EGFLAM: variants seen among roughly 807,000 people sequenced by gnomAD.
The protein encoded by EGFLAM is EGF like, fibronectin type III and laminin G domains, also known as pikachurin.
A neutral mutation model predicts 113.1 loss-of-function variants in EGFLAM; 79 were observed. The observed-to-expected ratio is 0.70, with a 90% CI of 0.58 to 0.84. EGFLAM has a LOEUF of 0.84. Among genes scored for constraint, EGFLAM ranks in the 40% least tolerant of loss-of-function variants. The pLI is 0.00. For missense variants in EGFLAM, 1,265 were observed against 1,291.6 expected (o/e 0.98, Z 0.32); for synonymous variants, 504 against 487.6 (o/e 1.03, Z -0.44).
intron 5 of EGFLAM, among the ~76,000 whole-genome samples, chr5:38,365,040 T>C (rs994749836): frequency 6.6e-6 from 1 of 152,160 alleles, no homozygotes; most frequent in African/African-American, 2.4e-5. Flanking sequence ...AAGGCTATTC[T>C]GGATGTTCTG....
chr5:38,417,368 A>AC (rs1741684460), intron 11 of EGFLAM, among the ~76,000 whole-genome samples: 1 of 143,228 alleles, frequency 7.0e-6, no homozygotes, highest in East Asian at 1.9e-4. Context: ...AAAAAAAAAA[A>AC]ACAAAAAAAA....
At chr5:38,279,074 C>A (rs535173884) in intron 1 of EGFLAM, among the ~76,000 whole-genome samples, 1 of 152,160 alleles carries the variant, frequency 6.6e-6, no homozygotes, top group Non-Finnish European at 1.5e-5. Context: ...AGACATTTCT[C>A]AAAAGAAGAC....
Position 38,339,555 on chromosome 5 carries a change from T to C in EGFLAM, c.291+774T>C, listed in dbSNP as rs191298918. On this transcript the variant is annotated intron_variant, in intron 3 of 21. Coordinates refer to ENST00000322350, the MANE Select transcript of EGFLAM (RefSeq NM_152403.4). ...ATCCATGATAAGGAACTATCACTTA[T>C]TGAGCATCTGTTACCTGGCAGCCAC... is the stretch of plus-strand genomic sequence containing the variant. Among the ~76,000 whole-genome samples the C allele has an allele frequency of 1.2e-3, 178 of 152,364 alleles. 1 individual carries two copies. The highest frequency in any genetic ancestry group is 1.3e-3 in the Non-Finnish European group (88 of 68,036).
intron 1 of EGFLAM, among the ~76,000 whole-genome samples, chr5:38,313,455 T>C (rs188820515): frequency 2.0e-5 from 3 of 152,364 alleles, no homozygotes; most frequent in East Asian, 1.9e-4. Context: ...TACAAATATA[T>C]TGAGATGAAC....
At position 38,262,134 on chromosome 5, in the gene EGFLAM, A is replaced by G. The variant is rs1757513558; in HGVS notation, c.97+3283A>G. On this transcript the variant is annotated intron_variant, in intron 1 of 21. Coordinates refer to ENST00000322350, the MANE Select transcript of EGFLAM (RefSeq NM_152403.4). ...AGTTAACATCAGAAGCTGAACTGGA[A>G]CTGGCACCTGGACCTCCCACCCTCC... 2.0e-5 allele frequency among the ~76,000 whole-genome samples: 3 copies of G among 152,192 alleles called. No individual in the cohort carries two copies. The South Asian group carries it at 6.2e-4, about 32-fold the overall frequency.
chr5:38,307,231 T>C (rs1436470008), intron 1 of EGFLAM, among the ~76,000 whole-genome samples: 1 of 152,270 alleles, frequency 6.6e-6, no homozygotes, highest in Non-Finnish European at 1.5e-5. Context: ...TTTATTTGTC[T>C]ATCTGTTGCA....
chr5:38,324,503 C>A (rs1284484068), intron 1 of EGFLAM, among the ~76,000 whole-genome samples: 1 of 152,124 alleles, frequency 6.6e-6, no homozygotes, highest in Admixed American at 6.5e-5. Context: ...AACAAATACA[C>A]AAATAGAAAA....
intron 6 of EGFLAM, among the ~76,000 whole-genome samples, chr5:38,374,049 G>GT (rs1311164506): frequency 1.3e-5 from 2 of 152,058 alleles, no homozygotes; most frequent in East Asian, 1.9e-4. Context: ...TCAGAGTAGG[G>GT]TTTTTTTGAC....
intron 17 of EGFLAM, among the ~76,000 whole-genome samples, chr5:38,443,078 C>A (rs377350679): frequency 5.0e-4 from 76 of 152,208 alleles, no homozygotes; most frequent in African/African-American, 1.8e-3. Context: ...CTAGCCTGGG[C>A]AACATGGTGA....
chr5:38,349,401 C>G (rs371968173), intron 3 of EGFLAM, among the ~76,000 whole-genome samples: 2 of 152,168 alleles, frequency 1.3e-5, no homozygotes, highest in African/African-American at 2.4e-5. Context: ...CATGACCACT[C>G]ATTTCCTGAG....
At chr5:38,387,749 C>T (rs1436964983) in intron 6 of EGFLAM, among the ~76,000 whole-genome samples, 5 of 152,248 alleles carry the variant, frequency 3.3e-5, no homozygotes, top group Non-Finnish European at 5.9e-5. Flanking sequence ...GAACCAGTTA[C>T]TCTTGCTTGT....
intron 17 of EGFLAM, among the ~76,000 whole-genome samples, chr5:38,444,423 A>G (rs1742643135): frequency 6.6e-6 from 1 of 152,152 alleles, no homozygotes; most frequent in East Asian, 1.9e-4. Context: ...TATAGTTAAC[A>G]ATAATATATA....
At chr5:38,370,953 A>C (rs1178922657) in intron 6 of EGFLAM, among the ~76,000 whole-genome samples, 1 of 152,186 alleles carries the variant, frequency 6.6e-6, no homozygotes, top group Non-Finnish European at 1.5e-5. Context: ...GGCTGTAGCC[A>C]ATGGTGTATG....
chr5:38,296,565 T>G (rs1758456620), intron 1 of EGFLAM, among the ~76,000 whole-genome samples: 1 of 152,042 alleles, frequency 6.6e-6, no homozygotes, highest in African/African-American at 2.4e-5. Flanking sequence ...CAATAATAAC[T>G]GAGGCAGGCA....
At chr5:38,426,846 A>G (rs1367652218) in intron 13 of EGFLAM, among the ~76,000 whole-genome samples, 163 bp from the exon 14 acceptor site, 1 of 152,128 alleles carries the variant, frequency 6.6e-6, no homozygotes, top group East Asian at 1.9e-4. Flanking sequence ...TCTTCCACCC[A>G]TGTTCTACTG....
At chr5:38,458,474 C>A in intron 20 of EGFLAM, 80 bp downstream of exon 20, 1 of 1,383,444 alleles carries the variant, frequency 7.2e-7, no homozygotes, top group Non-Finnish European at 9.9e-7. Context: ...TGTAGTCCCA[C>A]TGTCCTGTTC....
chr5:38,430,393 T>C (rs1423165249), intron 14 of EGFLAM, among the ~76,000 whole-genome samples: 2 of 152,220 alleles, frequency 1.3e-5, no homozygotes, highest in Non-Finnish European at 2.9e-5. Context: ...TTCAGGCTCA[T>C]TGTAAGGAAT....
chr5:38,388,917 G>GAAA (rs770527595), intron 6 of EGFLAM, among the ~76,000 whole-genome samples: 2 of 61,040 alleles, frequency 3.3e-5, no homozygotes, highest in African/African-American at 5.5e-5. Context: ...CCTGTCTCAA[G>GAAA]AAAAAAAAAA....
At position 38,258,796 on chromosome 5, in the gene EGFLAM, GGCTTCCA is replaced by G; in HGVS notation, c.45_51del (p.Ser17AspfsTer17). 6.2e-7 allele frequency: 1 copy of G among 1,612,592 alleles called. No homozygotes were observed. On this transcript the variant is annotated frameshift_variant, in exon 1 of 22. Coordinates refer to ENST00000322350, the MANE Select transcript of EGFLAM (RefSeq NM_152403.4). LOFTEE classifies it high-confidence loss of function. ...GCGTCTTGCTCCGGCTCCTGCTCCT[GGCTTCCA>G]GCCTCGGACCCGGCGCGGTGTCGCT...
Sources: allele counts gnomAD v4.1 joint callset (sites outside exome capture counted in the v4.1 genomes callset), GRCh38; gene constraint gnomAD v4.1.1; transcripts MANE v1.5; gene names NCBI Gene and HGNC (gene_info 2026-07-23, HGNC 2026-07-21).